KIF26B: variants seen among roughly 807,000 people sequenced by gnomAD.
The protein encoded by KIF26B is kinesin-like protein KIF26B.
KIF26B carries 63 observed loss-of-function variants against 151.2 expected under a neutral mutation model. The ratio of observed to expected loss-of-function variants is 0.42; its 90% CI spans 0.34 to 0.51. The LOEUF is 0.51. Among genes scored for constraint, KIF26B ranks in the 20% least tolerant of loss-of-function variants. KIF26B has a pLI of 0.07. For missense variants in KIF26B, 2,813 were observed against 2,913.6 expected, an observed-to-expected ratio of 0.97 and a Z score of 0.79; for synonymous variants, 1,357 against 1,262.1, an observed-to-expected ratio of 1.08 and a Z score of -1.59.
At chr1:245,164,192 T>G (rs1406651699) in intron 2 of KIF26B, among the ~76,000 whole-genome samples, 1 of 152,228 alleles carries the variant, frequency 6.6e-6, no homozygotes, top group East Asian at 1.9e-4. Context: ...CTTTTCAGTA[T>G]TTAGAGAGAG....
At chr1:245,622,939 C>T (rs1238280481) in intron 9 of KIF26B, among the ~76,000 whole-genome samples, 1 of 151,378 alleles carries the variant, frequency 6.6e-6, no homozygotes, top group Non-Finnish European at 1.5e-5. Context: ...CTGATGGAGG[C>T]CGCAGGATGT....
chr1:245,490,511 C>T (rs1660387879), intron 4 of KIF26B, among the ~76,000 whole-genome samples: 1 of 152,010 alleles, frequency 6.6e-6, no homozygotes, highest in African/African-American at 2.4e-5. Flanking sequence ...CAGGGTTTCA[C>T]CATGTTGGCT....
Position 245,169,390 on chromosome 1 carries a change from A to G in KIF26B, c.465+12707A>G, listed in dbSNP as rs538720023. Among the ~76,000 whole-genome samples, 21 of 145,432 alleles carry G rather than the reference A, an allele frequency of 1.4e-4. 1 individual carries two copies. In the East Asian group the frequency reaches 3.9e-3, roughly 27 times the overall value. ...GCGCAAGCACTTTGTGGAGGCCCTG[A>G]AGGCAGCATGTAAGGTGGTAACACG... On this transcript the variant is annotated intron_variant, in intron 2 of 14. Transcript: ENST00000407071.
intron 4 of KIF26B, among the ~76,000 whole-genome samples, chr1:245,501,793 C>T (rs1028229910): frequency 4.6e-5 from 7 of 152,140 alleles, no homozygotes; most frequent in East Asian, 1.9e-4. Flanking sequence ...GACGGAGGAC[C>T]GTTGGGCCTT....
chr1:245,348,312 G>A (rs922591735), intron 2 of KIF26B, among the ~76,000 whole-genome samples: 1 of 152,120 alleles, frequency 6.6e-6, no homozygotes, highest in Admixed American at 6.5e-5. Context: ...TTATTGATTT[G>A]CAAAATTGTA....
intron 4 of KIF26B, among the ~76,000 whole-genome samples, chr1:245,534,311 C>T (rs1215078977): frequency 1.3e-5 from 2 of 151,880 alleles, no homozygotes; most frequent in African/African-American, 2.4e-5. Context: ...TACAGGTGTG[C>T]GCCACCATGC....
At chr1:245,192,800 C>A (rs768410641) in intron 2 of KIF26B, among the ~76,000 whole-genome samples, 1 of 152,178 alleles carries the variant, frequency 6.6e-6, no homozygotes, top group Non-Finnish European at 1.5e-5. Context: ...TTGGGGGGTG[C>A]GTGTGCAGGT....
intron 10 of KIF26B, among the ~76,000 whole-genome samples, chr1:245,677,172 G>T (rs2044367459): frequency 6.6e-6 from 1 of 152,214 alleles, no homozygotes. Context: ...GAGGTGTGCT[G>T]GTTGGATCAC....
At chr1:245,385,304 G>C (rs1174773833) in intron 3 of KIF26B, among the ~76,000 whole-genome samples, 1 of 152,184 alleles carries the variant, frequency 6.6e-6, no homozygotes, top group Non-Finnish European at 1.5e-5. Flanking sequence ...AGACTAAGTG[G>C]AAAATAGACC....
intron 10 of KIF26B, among the ~76,000 whole-genome samples, chr1:245,655,640 G>A (rs1158315068): frequency 1.3e-5 from 2 of 152,198 alleles, no homozygotes; most frequent in Non-Finnish European, 2.9e-5. Flanking sequence ...GTGGGGGTTC[G>A]ATGCTGCTGC....
intron 2 of KIF26B, among the ~76,000 whole-genome samples, chr1:245,289,745 T>G (rs903915390): frequency 6.6e-6 from 1 of 152,072 alleles, no homozygotes; most frequent in African/African-American, 2.4e-5. Flanking sequence ...TATTCCTGAG[T>G]TTTCTCAGTT....
chr1:245,690,707 G>T (rs111226132), intron 12 of KIF26B, among the ~76,000 whole-genome samples: 1 of 151,852 alleles, frequency 6.6e-6, no homozygotes, highest in East Asian at 1.9e-4. Context: ...GGGAATCATC[G>T]TGGCTGTCAG....
intron 2 of KIF26B, among the ~76,000 whole-genome samples, chr1:245,293,885 T>C (rs1671295753): frequency 6.6e-6 from 1 of 152,224 alleles, no homozygotes; most frequent in Admixed American, 6.5e-5. Context: ...GCCGATTTCT[T>C]TTTATTTTTT....
At chr1:245,350,768 G>A (rs990295068) in intron 2 of KIF26B, among the ~76,000 whole-genome samples, 1 of 152,188 alleles carries the variant, frequency 6.6e-6, no homozygotes, top group African/African-American at 2.4e-5. Flanking sequence ...ACCTGCCCGA[G>A]AGGGGACATC....
intron 4 of KIF26B, among the ~76,000 whole-genome samples, chr1:245,461,784 A>G (rs1415668782): frequency 6.6e-6 from 1 of 152,164 alleles, no homozygotes. Context: ...TTAATTGCCG[A>G]CAGAATGCAG....
Position 245,646,263 on chromosome 1 carries a change from C to T in KIF26B, c.2241C>T (p.Ser747=), listed in dbSNP as rs1398310638. The change falls in exon 10 of 15, where the codon AGC becomes AGT. Residue 747 remains serine (S), a synonymous_variant. Transcript: ENST00000407071. ...GNVILALVNG[S]KHIPYKESKL... is the part of the protein sequence containing the mutation. ...TCATCCTGGCTCTCGTCAATGGCAG[C>T]AAACACATTCCATACAAGTAAGTGA... The T allele has an allele frequency of 1.2e-6, 2 of 1,613,816 alleles. No homozygotes were observed. Among genetic ancestry groups the T allele is most frequent in the South Asian group, 1.1e-5 (1 of 91,026 alleles).
At chr1:245,192,851 G>A (rs1023272537) in intron 2 of KIF26B, among the ~76,000 whole-genome samples, 2 of 152,090 alleles carry the variant, frequency 1.3e-5, no homozygotes, top group Non-Finnish European at 2.9e-5. Context: ...TGGGTTTCTA[G>A]TGTACCCATC....
chr1:245,221,261 G>A (rs1669760147), intron 2 of KIF26B, among the ~76,000 whole-genome samples: 1 of 151,654 alleles, frequency 6.6e-6, no homozygotes, highest in Admixed American at 6.6e-5. Context: ...AAGAAAGAAG[G>A]GAATAAATGA....
In KIF26B at chr1:245,687,414, G is replaced by A. The variant is rs369702467; in HGVS notation, c.4431G>A (p.Glu1477=). ...TGPSNAETRA[E]QEQDGKPSPG... is the part of the protein sequence containing the mutation. Reference sequence around the variant, plus strand: ...CCTCGAATGCTGAGACCAGAGCAGAGCAGGAGCAGGACGGAAAGCCCAGTC... The same window carrying A: ...CCTCGAATGCTGAGACCAGAGCAGAACAGGAGCAGGACGGAAAGCCCAGTC... The change falls in exon 12 of 15, where the codon GAG becomes GAA. Residue 1477 remains glutamate, a synonymous_variant. Transcript: ENST00000407071. This position sits in a 1 kb window ranked among gnomAD's most constrained non-coding sequence, Gnocchi z 4.9. 59 of 1,588,876 alleles carry A rather than the reference G, an allele frequency of 3.7e-5. No homozygotes were observed. Among genetic ancestry groups the A allele is most frequent in the Non-Finnish European group, 4.9e-5 (57 of 1,168,018 alleles).
Sources: allele counts gnomAD v4.1 joint callset (sites outside exome capture counted in the v4.1 genomes callset), GRCh38; gene constraint gnomAD v4.1.1; non-coding constraint Gnocchi (gnomAD v3.1); transcripts MANE v1.5; gene names NCBI Gene and HGNC (gene_info 2026-07-23, HGNC 2026-07-21).